Variants in ARSB observed in about 807,000 individuals in gnomAD.
ARSB encodes arylsulfatase B, also known as N-acetylgalactosamine-4-sulfatase.
A neutral mutation model predicts 50.9 loss-of-function variants in ARSB; 41 were observed. That is an observed-to-expected ratio of 0.81 (90% CI 0.63 to 1.04). The LOEUF (loss-of-function observed/expected upper bound fraction) is 1.04. Among genes scored for constraint, ARSB ranks in the 50% least tolerant of loss-of-function variants. ARSB has a pLI of 0.00. For missense variants in ARSB, 672 were observed against 693.3 expected (o/e 0.97, Z 0.35); for synonymous variants, 269 against 284.8 (o/e 0.94, Z 0.56).
Position 78,940,882 on chromosome 5 carries a change from C to A in ARSB, c.898+14413G>T, listed in dbSNP as rs977463765. Among the ~76,000 whole-genome samples the A allele has an allele frequency of 6.0e-4, 91 of 152,220 alleles. 1 individual carries two copies. In the East Asian group the frequency reaches 0.013, roughly 21 times the overall value. Reference sequence around the variant, plus strand: ...CTATAAATTACCTTGGGCAGTATGGCCATTTTCACAATATTGATTCTTCCT... The same window carrying A: ...CTATAAATTACCTTGGGCAGTATGGACATTTTCACAATATTGATTCTTCCT... On this transcript the variant is annotated intron_variant, in intron 4 of 7. Transcript: ENST00000264914.
chr5:78,781,989 T>A lies in ARSB; in HGVS notation c.1214-15A>T, dbSNP rs1353542088. Reference sequence around the variant, plus strand: ...GTTCCTGGGACCTGGGAAGAAATAGTTTGAAAGAATTAGATCACTGTTATT... The same window carrying A: ...GTTCCTGGGACCTGGGAAGAAATAGATTGAAAGAATTAGATCACTGTTATT... On this transcript the variant is annotated splice_polypyrimidine_tract_variant and intron_variant, in intron 6 of 7. Coordinates refer to ENST00000264914, the MANE Select transcript of ARSB (RefSeq NM_000046.5). The A allele has an allele frequency of 1.2e-6, 2 of 1,614,016 alleles. No individual in the cohort carries two copies. Among genetic ancestry groups the A allele is most frequent in the Non-Finnish European group, 1.7e-6 (2 of 1,179,890 alleles).
At chr5:78,818,598 CTTTTTTTTTTTTTTTTT>C (rs775162579) in intron 6 of ARSB, among the ~76,000 whole-genome samples, 4 of 74,172 alleles carry the variant, frequency 5.4e-5, no homozygotes, top group Non-Finnish European at 7.2e-5. Context: ...AAATAAAGCT[CTTTTTTTTTTTTTTTTT>C]TTTTTTTTTT....
chr5:78,862,690 A>C (rs1454850093), intron 5 of ARSB, among the ~76,000 whole-genome samples: 1 of 152,232 alleles, frequency 6.6e-6, no homozygotes, highest in Non-Finnish European at 1.5e-5. Flanking sequence ...GGACATAGGC[A>C]TGGGCAAGGA....
chr5:78,873,570 A>G (rs1480690966), intron 5 of ARSB, among the ~76,000 whole-genome samples: 1 of 124,392 alleles, frequency 8.0e-6, no homozygotes, highest in Non-Finnish European at 1.6e-5. Context: ...ATCTCGGCTC[A>G]CTGCAAGCTC....
rs890308196 is a variant in ARSB, at chr5:78,808,112, A to C, written c.1214-26138T>G. Among the ~76,000 whole-genome samples, 86 of 150,912 alleles carry C rather than the reference A, an allele frequency of 5.7e-4. 1 individual carries two copies. Among genetic ancestry groups the C allele is most frequent in the Admixed American group, 1.7e-3 (26 of 15,174 alleles). ...CGTCTCAAAAAAAAAAAAAAAAAAA[A>C]AAAAAACACCTTGCCATGAAAAATG... On this transcript the variant is annotated intron_variant, in intron 6 of 7. Transcript: ENST00000264914.
chr5:78,982,494 T>C (rs1003668778), intron 1 of ARSB, among the ~76,000 whole-genome samples: 1 of 152,216 alleles, frequency 6.6e-6, no homozygotes. Context: ...TTAATAATTT[T>C]GAGTAGGCAA....
At chr5:78,978,463 CA>C (rs1207407776) in intron 1 of ARSB, among the ~76,000 whole-genome samples, 1 of 151,794 alleles carries the variant, frequency 6.6e-6, no homozygotes, top group African/African-American at 2.4e-5. Flanking sequence ...CCCTGTCTAC[CA>C]AAATTCCACT....
At chr5:78,810,930 C>T (rs1743782727) in intron 6 of ARSB, among the ~76,000 whole-genome samples, 2 of 152,182 alleles carry the variant, frequency 1.3e-5, no homozygotes, top group African/African-American at 4.8e-5. Context: ...TTACTCAATA[C>T]AACAAATTAG....
chr5:78,980,725 A>AGTGTGTGTGTGTGT (rs1315709564), intron 1 of ARSB, among the ~76,000 whole-genome samples: 1,223 of 91,958 alleles, frequency 0.013, 24 homozygotes, highest in African/African-American at 0.035. Flanking sequence ...TGTCTAAGGA[A>AGTGTGTGTGTGTGT]GTGTGTGTAT....
chr5:78,843,979 A>G (rs1745338309), intron 5 of ARSB, among the ~76,000 whole-genome samples: 2 of 152,262 alleles, frequency 1.3e-5, no homozygotes, highest in Admixed American at 6.5e-5. Context: ...ATTGTTTTCA[A>G]TATTTGGCTA....
intron 6 of ARSB, among the ~76,000 whole-genome samples, chr5:78,799,539 C>T (rs1381126087): frequency 2.0e-5 from 3 of 152,190 alleles, no homozygotes; most frequent in Admixed American, 1.3e-4. Flanking sequence ...TGCTGGTGCT[C>T]ACCTACTCAC....
chr5:78,827,866 T>TA (rs1184240890), intron 6 of ARSB, among the ~76,000 whole-genome samples: 1 of 152,014 alleles, frequency 6.6e-6, no homozygotes, highest in Non-Finnish European at 1.5e-5. Flanking sequence ...TTTCTGATTT[T>TA]TTTTTTTTTT....
At chr5:78,908,785 T>C (rs1580045112) in intron 4 of ARSB, among the ~76,000 whole-genome samples, 1 of 151,748 alleles carries the variant, frequency 6.6e-6, no homozygotes, top group Non-Finnish European at 1.5e-5. Context: ...TCCTGACTTA[T>C]GAATCCAGCA....
chr5:78,983,251 G>A (rs919353763), intron 1 of ARSB, among the ~76,000 whole-genome samples: 2 of 151,980 alleles, frequency 1.3e-5, no homozygotes, highest in African/African-American at 4.8e-5. Flanking sequence ...ACGGGGTTTC[G>A]CCGTGTTGGT....
intron 4 of ARSB, among the ~76,000 whole-genome samples, chr5:78,941,401 G>A (rs966239527): frequency 3.3e-5 from 5 of 151,640 alleles, no homozygotes. Context: ...TGCCCATTCA[G>A]TATATTGGCT....
chr5:78,801,273 T>G (rs980361603), intron 6 of ARSB, among the ~76,000 whole-genome samples: 1 of 152,196 alleles, frequency 6.6e-6, no homozygotes, highest in African/African-American at 2.4e-5. Context: ...TGGAAGGGGA[T>G]AGTCTACATT....
chr5:78,983,198 C>A (rs146865340), intron 1 of ARSB, among the ~76,000 whole-genome samples: 15 of 152,224 alleles, frequency 9.9e-5, no homozygotes, highest in South Asian at 6.2e-4. Flanking sequence ...GGACTATAGA[C>A]GCATGCCACC....
rs377257021 is a variant in ARSB, at chr5:78,925,263, G to C, written c.898+30032C>G. ...AAATCAATTAGTGCTTCAAGACTTGGGAAAATATTATCAACAAAGGAATAG... is the reference window on the plus strand; with the variant it reads ...AAATCAATTAGTGCTTCAAGACTTGCGAAAATATTATCAACAAAGGAATAG... On this transcript the variant is annotated intron_variant, in intron 4 of 7. Coordinates refer to ENST00000264914, the MANE Select transcript of ARSB (RefSeq NM_000046.5). Among the ~76,000 whole-genome samples, 61 of 152,176 alleles carry C rather than the reference G, an allele frequency of 4.0e-4. 1 individual carries two copies. The East Asian group carries it at 8.1e-3, about 20-fold the overall frequency.
chr5:78,867,293 G>C (rs1746817820), intron 5 of ARSB, among the ~76,000 whole-genome samples: 1 of 151,992 alleles, frequency 6.6e-6, no homozygotes, highest in African/African-American at 2.4e-5. Flanking sequence ...CAGCCGGGAA[G>C]CTCGAACTGG....
Sources: gnomAD v4.1 joint callset for allele counts (sites outside exome capture counted in the v4.1 genomes callset) on GRCh38, gnomAD v4.1.1 for gene constraint, MANE v1.5 for transcripts, NCBI Gene and HGNC (gene_info 2026-07-23, HGNC 2026-07-21) for gene names.